Variants in MARCHF7 observed in about 807,000 individuals in gnomAD.
The protein encoded by MARCHF7 is E3 ubiquitin-protein ligase MARCHF7.
Under a neutral mutation model 76.5 loss-of-function variants are expected in MARCHF7, and 20 were observed. The ratio of observed to expected loss-of-function variants is 0.26; its 90% CI spans 0.18 to 0.38. The LOEUF (loss-of-function observed/expected upper bound fraction) is 0.38, where lower values mean the gene tolerates loss of function less well. Ranked by LOEUF, MARCHF7 falls within the 10% of genes least tolerant of loss-of-function variation. The pLI is 1.00. For missense variants in MARCHF7, 797 were observed against 812.9 expected (o/e 0.98, Z 0.24); for synonymous variants, 295 against 293.0 (o/e 1.01, Z -0.07).
intron 4 of MARCHF7, among the ~76,000 whole-genome samples, chr2:159,734,810 ATAAAAT>A (rs1202496741): frequency 1.3e-5 from 2 of 149,066 alleles, no homozygotes; most frequent in Non-Finnish European, 3.0e-5. Context: ...CTCTCTAAAA[ATAAAAT>A]GAAAAAAAAA....
chr2:159,747,045 A>T (rs1291429071), intron 6 of MARCHF7, among the ~76,000 whole-genome samples: 1 of 152,200 alleles, frequency 6.6e-6, no homozygotes, highest in Non-Finnish European at 1.5e-5. Flanking sequence ...GCAGAGTAGT[A>T]ATTTAGCTCT....
chr2:159,726,038 A>C (rs1702120644), intron 3 of MARCHF7, among the ~76,000 whole-genome samples: 2 of 152,114 alleles, frequency 1.3e-5, no homozygotes, highest in South Asian at 2.1e-4. Context: ...TTTATTCCTT[A>C]TACTGACCCC....
At position 159,712,523 on chromosome 2, in the gene MARCHF7, G is replaced by C. The variant is rs1302206306; in HGVS notation, c.-226G>C. 6.5e-6 allele frequency: 1 copy of C among 152,822 alleles called. No homozygotes were observed. Among genetic ancestry groups the C allele is most frequent in the African/African-American group, 2.4e-5 (1 of 41,456 alleles). 9.5% of individuals were successfully genotyped at this position (152,822 alleles called of 1,614,324 possible). A position where few individuals can be genotyped will look rare whatever the true frequency, so the allele number is the denominator to read the frequency against. ...TGGTGGCTGGTTCTGCGCCGGATCC[G>C]GGAGAGGGGCGGGCGCCATTGTGCT... is the stretch of plus-strand genomic sequence containing the variant. On this transcript the variant is annotated 5_prime_UTR_variant, in exon 1 of 12. Coordinates refer to ENST00000409175, the MANE Select transcript of MARCHF7 (RefSeq NM_001282805.2).
At position 159,769,631 on chromosome 2, in the gene MARCHF7, GT is replaced by G. The variant is rs1236002946; in HGVS notation, c.*2290del. On this transcript the variant is annotated 3_prime_UTR_variant, in exon 12 of 12. Coordinates refer to ENST00000409175, the MANE Select transcript of MARCHF7 (RefSeq NM_001282805.2). Reference sequence around the variant, plus strand: ...ACTGCACTGTAGCCTGGGCAGCACAGTGAGACTCCATCATATATATATATAT... The same window carrying G: ...ACTGCACTGTAGCCTGGGCAGCACAGGAGACTCCATCATATATATATATAT... 8.4e-6 allele frequency: 1 copy of G among 118,472 alleles called. No individual in the cohort carries two copies. The highest frequency in any genetic ancestry group is 2.3e-4 in the East Asian group (1 of 4,434). The allele number at this position is 118,472 out of a possible 1,614,324, so 7.3% of individuals were successfully genotyped here. A position where few individuals can be genotyped will look rare whatever the true frequency, so the allele number is the denominator to read the frequency against.
At position 159,735,397 on chromosome 2, in the gene MARCHF7, A is replaced by G. The variant is rs190181344; in HGVS notation, c.153+6222A>G. Among the ~76,000 whole-genome samples, 168 of 152,360 alleles carry G rather than the reference A, an allele frequency of 1.1e-3. 1 individual carries two copies. The Middle Eastern group carries it at 0.041, about 37-fold the overall frequency. ...ATTAAGTTGTAATTTCACATACCAT[A>G]TAGTTTGCCCATTTAAAGTTCAGTA... On this transcript the variant is annotated intron_variant, in intron 4 of 11. Transcript: ENST00000409175.
intron 8 of MARCHF7, among the ~76,000 whole-genome samples, chr2:159,757,760 A>C (rs1706514601): frequency 3.3e-5 from 5 of 152,208 alleles, no homozygotes; most frequent in African/African-American, 9.7e-5. Context: ...ATATAAGAGA[A>C]TCTGTAGTAA....
At chr2:159,760,983 A>G (rs909410277) in intron 9 of MARCHF7, among the ~76,000 whole-genome samples, 1 of 151,408 alleles carries the variant, frequency 6.6e-6, no homozygotes, top group Non-Finnish European at 1.5e-5. Flanking sequence ...GTCTATTTCC[A>G]CATTAACCAG....
chr2:159,729,006 CAGAAAAATCTTTA>C lies in MARCHF7; in HGVS notation c.-12_1del. On this transcript the variant is annotated splice_acceptor_variant and 5_prime_UTR_variant, in exon 4 of 12. Coordinates refer to ENST00000409175, the MANE Select transcript of MARCHF7 (RefSeq NM_001282805.2). LOFTEE classifies it low-confidence loss of function (5UTR_SPLICE). ...GCAATTAATGAAAATTTTTATTTCA[CAGAAAAATCTTTA>C]AGAATGGAGTCTAAACCTTCAAGGA... 1 of 1,534,538 alleles carries C rather than the reference CAGAAAAATCTTTA, an allele frequency of 6.5e-7. No individual in the cohort carries two copies. Among genetic ancestry groups the C allele is most frequent in the Non-Finnish European group, 8.7e-7 (1 of 1,144,342 alleles).
chr2:159,763,991 T>C (rs1707412758), intron 10 of MARCHF7, among the ~76,000 whole-genome samples: 1 of 152,196 alleles, frequency 6.6e-6, no homozygotes, highest in African/African-American at 2.4e-5. Context: ...AAATGATTTC[T>C]AAAAAGGTAC....
Position 159,767,739 on chromosome 2 carries a change from T to C in MARCHF7, c.*397T>C, listed in dbSNP as rs1178142150. 2.0e-4 allele frequency: 29 copies of C among 147,304 alleles called. No individual in the cohort carries two copies. The highest frequency in any genetic ancestry group is 1.5e-5 in the Non-Finnish European group (1 of 65,652). The allele number at this position is 147,304 out of a possible 1,614,324, so 9.1% of individuals were successfully genotyped here. On this transcript the variant is annotated 3_prime_UTR_variant, in exon 12 of 12. Coordinates refer to ENST00000409175, the MANE Select transcript of MARCHF7 (RefSeq NM_001282805.2). ...TGAGAAAAGTGGGACAAAATATACT[T>C]TTGAAATAAAATGCTATATGGCACC...
At chr2:159,725,593 G>T (rs185174557) in intron 3 of MARCHF7, among the ~76,000 whole-genome samples, 1 of 152,054 alleles carries the variant, frequency 6.6e-6, no homozygotes, top group Non-Finnish European at 1.5e-5. Flanking sequence ...TTTGTCAGAT[G>T]GGTAGATTGC....
intron 6 of MARCHF7, among the ~76,000 whole-genome samples, 177 bp downstream of exon 6, chr2:159,746,114 C>T (rs1463198780): frequency 6.6e-6 from 1 of 152,130 alleles, no homozygotes; most frequent in East Asian, 1.9e-4. Context: ...ATTTAAAATA[C>T]AGTCGATGAA....
In MARCHF7 at chr2:159,768,385, T is replaced by G. The variant is rs751191127; in HGVS notation, c.*1043T>G. The G allele has an allele frequency of 6.6e-6, 1 of 152,590 alleles. No individual in the cohort carries two copies. Among genetic ancestry groups the G allele is most frequent in the Non-Finnish European group, 1.5e-5 (1 of 68,002 alleles). 9.5% of individuals were successfully genotyped at this position (152,590 alleles called of 1,614,324 possible). ...TGTGTATACTTCCATAACACTGTATTTTTCTTCTGTCAGTACCCTTAGGAT... is the reference window on the plus strand; with the variant it reads ...TGTGTATACTTCCATAACACTGTATGTTTCTTCTGTCAGTACCCTTAGGAT... On this transcript the variant is annotated 3_prime_UTR_variant, in exon 12 of 12. Transcript: ENST00000409175.
At chr2:159,759,867 C>T (rs1282975682) in intron 9 of MARCHF7, among the ~76,000 whole-genome samples, 2 of 152,138 alleles carry the variant, frequency 1.3e-5, no homozygotes, top group Admixed American at 6.5e-5. Context: ...GAGGCTAAGA[C>T]GGGATGACTG....
At chr2:159,754,474 G>A (rs1203703921) in intron 8 of MARCHF7, among the ~76,000 whole-genome samples, 5 of 152,020 alleles carry the variant, frequency 3.3e-5, no homozygotes, top group African/African-American at 9.7e-5. Flanking sequence ...AGAAAAGGAG[G>A]TAAGAAAGGA....
At chr2:159,725,345 T>C (rs1348471482) in intron 3 of MARCHF7, among the ~76,000 whole-genome samples, 1 of 152,202 alleles carries the variant, frequency 6.6e-6, no homozygotes, top group Non-Finnish European at 1.5e-5. Flanking sequence ...CCAGCACCTG[T>C]TGTTTCCTGA....
rs1216614830 is a variant in MARCHF7, at chr2:159,762,805, T to G, written c.1894-75T>G. 5 of 793,558 alleles carry G rather than the reference T, an allele frequency of 6.3e-6. No homozygotes were observed. In the African/African-American group the frequency reaches 8.6e-5, roughly 14 times the overall value. 49.2% of individuals were successfully genotyped at this position (793,558 alleles called of 1,614,324 possible). On this transcript the variant is annotated intron_variant, in intron 9 of 11. Transcript: ENST00000409175. ...TTTCCTCTAGTTTATCAGTGTACTGTGAGTATCAATCTCAATTCTACTAAT... is the reference window on the plus strand; with the variant it reads ...TTTCCTCTAGTTTATCAGTGTACTGGGAGTATCAATCTCAATTCTACTAAT...
At chr2:159,756,129 G>T (rs896685544) in intron 8 of MARCHF7, among the ~76,000 whole-genome samples, 2 of 152,120 alleles carry the variant, frequency 1.3e-5, no homozygotes, top group African/African-American at 4.8e-5. Context: ...TGACACTTAA[G>T]GGCCCAGAAA....
At chr2:159,750,222 G>A (rs1402218091) in intron 7 of MARCHF7, among the ~76,000 whole-genome samples, 7 of 152,122 alleles carry the variant, frequency 4.6e-5, no homozygotes, top group Non-Finnish European at 1.0e-4. Context: ...TTAGATATTA[G>A]TATTTAACAG....
Sources: allele counts gnomAD v4.1 joint callset (sites outside exome capture counted in the v4.1 genomes callset), GRCh38; gene constraint gnomAD v4.1.1; transcripts MANE v1.5; gene names NCBI Gene and HGNC (gene_info 2026-07-23, HGNC 2026-07-21).